Variants in FSIP1 observed in about 807,000 individuals in gnomAD.
FSIP1 encodes the protein fibrous sheath-interacting protein 1.
FSIP1 carries 65 observed loss-of-function variants against 60.9 expected under a neutral mutation model. The ratio of observed to expected loss-of-function variants is 1.07; its 90% CI spans 0.87 to 1.31. FSIP1 has a LOEUF of 1.31. Among genes scored for constraint, FSIP1 ranks in the 40% most tolerant of loss-of-function variants. FSIP1 has a pLI of 0.00. For missense variants in FSIP1, 675 were observed against 665.5 expected (o/e 1.01, Z -0.16); for synonymous variants, 209 against 221.2 (o/e 0.94, Z 0.49).
At chr15:39,634,938 G>C (rs143227227) in intron 10 of FSIP1, among the ~76,000 whole-genome samples, 2 of 147,550 alleles carry the variant, frequency 1.4e-5, no homozygotes, top group African/African-American at 4.8e-5. Context: ...GTAACACAGA[G>C]CCAAAAAGAA....
chr15:39,713,416 A>T, intron 10 of FSIP1, 28 bp downstream of exon 10: 1 of 1,569,374 alleles, frequency 6.4e-7, no homozygotes, highest in Non-Finnish European at 8.6e-7. Context: ...TTTTCTTAAA[A>T]AAAATTAATT....
In FSIP1 at chr15:39,761,686, T is replaced by C. The variant is rs147781199; in HGVS notation, c.559+2135A>G. Reference sequence around the variant, plus strand: ...GGTGAATATCATCAATAAGGATGTATTGTACATTTCAAAATTGCTAAGAGG... The same window carrying C: ...GGTGAATATCATCAATAAGGATGTACTGTACATTTCAAAATTGCTAAGAGG... On this transcript the variant is annotated intron_variant, in intron 5 of 11. Coordinates refer to ENST00000350221, the MANE Select transcript of FSIP1 (RefSeq NM_152597.5). 7.7e-3 allele frequency among the ~76,000 whole-genome samples: 1,172 copies of C among 152,326 alleles called. 8 individuals are homozygous for C. The highest frequency in any genetic ancestry group is 0.023 in the South Asian group (113 of 4,828).
chr15:39,663,417 C>G (rs1165677083), intron 10 of FSIP1, among the ~76,000 whole-genome samples: 3 of 152,096 alleles, frequency 2.0e-5, no homozygotes, highest in Non-Finnish European at 4.4e-5. Context: ...CAAATAACCT[C>G]TATATCTGTC....
intron 5 of FSIP1, among the ~76,000 whole-genome samples, chr15:39,761,940 G>A (rs1216034613): frequency 6.6e-6 from 1 of 152,210 alleles, no homozygotes; most frequent in East Asian, 1.9e-4. Context: ...GAGGGACACA[G>A]CAGGAACAAT....
At chr15:39,719,460 C>T (rs191610341) in intron 9 of FSIP1, among the ~76,000 whole-genome samples, 27 of 152,268 alleles carry the variant, frequency 1.8e-4, no homozygotes, top group African/African-American at 6.5e-4. Flanking sequence ...TGAGTTTATC[C>T]TTAGAAAAAT....
chr15:39,653,165 G>A (rs1249064378), intron 10 of FSIP1, among the ~76,000 whole-genome samples: 1 of 121,210 alleles, frequency 8.3e-6, no homozygotes, highest in Non-Finnish European at 1.7e-5. Context: ...GACGGAGCCA[G>A]ACTTTGTCTC....
intron 1 of FSIP1, among the ~76,000 whole-genome samples, chr15:39,778,144 G>A (rs1756427229): frequency 6.6e-6 from 1 of 152,190 alleles, no homozygotes; most frequent in African/African-American, 2.4e-5. Flanking sequence ...ATTATTGTGG[G>A]ATGATGGATC....
intron 10 of FSIP1, among the ~76,000 whole-genome samples, chr15:39,679,474 C>T (rs370848760): frequency 3.9e-4 from 59 of 152,146 alleles, no homozygotes; most frequent in Middle Eastern, 3.4e-3. Context: ...TGGTGGCTCG[C>T]GCCTGTCATC....
In FSIP1 at chr15:39,738,876, T is replaced by C. The variant is rs557993769; in HGVS notation, c.781-675A>G. Among the ~76,000 whole-genome samples, 46 of 152,356 alleles carry C rather than the reference T, an allele frequency of 3.0e-4. No homozygotes were observed. In the East Asian group the frequency reaches 8.3e-3, roughly 27 times the overall value. ...GGCAGGCTGCCCCACGAATCCAGTT[T>C]GCCTGGAAATGATGTGCCAATTATG... On this transcript the variant is annotated intron_variant, in intron 7 of 11. Coordinates refer to ENST00000350221, the MANE Select transcript of FSIP1 (RefSeq NM_152597.5).
At chr15:39,765,816 A>C in intron 3 of FSIP1, 70 bp from the exon 4 acceptor site, 1 of 848,446 alleles carries the variant, frequency 1.2e-6, no homozygotes, top group Admixed American at 3.0e-5. Context: ...TTGTTCTTAC[A>C]ATTTGTTCTT....
intron 9 of FSIP1, among the ~76,000 whole-genome samples, chr15:39,721,706 G>A (rs527869460): frequency 3.9e-5 from 6 of 152,314 alleles, no homozygotes; most frequent in African/African-American, 1.4e-4. Flanking sequence ...AATATAGAGT[G>A]GTGGATACTG....
chr15:39,779,536 T>C (rs1461603931), intron 1 of FSIP1, among the ~76,000 whole-genome samples: 3 of 152,236 alleles, frequency 2.0e-5, no homozygotes, highest in Non-Finnish European at 1.5e-5. Context: ...CTATACGCTA[T>C]TGGTACATCT....
intron 10 of FSIP1, among the ~76,000 whole-genome samples, chr15:39,657,868 G>A (rs1338915022): frequency 6.6e-6 from 1 of 152,124 alleles, no homozygotes; most frequent in African/African-American, 2.4e-5. Flanking sequence ...TAAAGACTGG[G>A]ATGACTGTAC....
intron 9 of FSIP1, among the ~76,000 whole-genome samples, chr15:39,715,469 G>A (rs1895703670): frequency 6.6e-6 from 1 of 152,134 alleles, no homozygotes; most frequent in South Asian, 2.1e-4. Context: ...GTAAGCACTG[G>A]CCAATAGACT....
intron 11 of FSIP1, among the ~76,000 whole-genome samples, chr15:39,603,229 G>A: frequency 6.6e-6 from 1 of 152,230 alleles, no homozygotes. Context: ...ATGGATGGCA[G>A]ATGGATGATG....
intron 8 of FSIP1, among the ~76,000 whole-genome samples, chr15:39,728,380 T>C (rs544169129): frequency 4.6e-5 from 7 of 152,282 alleles, no homozygotes; most frequent in African/African-American, 1.7e-4. Flanking sequence ...TTACCTGACT[T>C]CAAACTATAT....
intron 1 of FSIP1, among the ~76,000 whole-genome samples, chr15:39,777,625 G>C (rs1222650024): frequency 6.6e-6 from 1 of 152,192 alleles, no homozygotes; most frequent in Non-Finnish European, 1.5e-5. Context: ...AAACTGTGTG[G>C]CTGACTAAGA....
chr15:39,639,038 T>C (rs1009039343), intron 10 of FSIP1, among the ~76,000 whole-genome samples: 1 of 152,206 alleles, frequency 6.6e-6, no homozygotes, highest in African/African-American at 2.4e-5. Flanking sequence ...ATCGGAGATA[T>C]ATCATGAAAT....
intron 10 of FSIP1, among the ~76,000 whole-genome samples, chr15:39,643,273 A>T (rs571466991): frequency 2.0e-5 from 3 of 152,380 alleles, no homozygotes; most frequent in African/African-American, 7.2e-5. Flanking sequence ...AGATGAGTAG[A>T]CAAGAATGAA....
Sources: gnomAD v4.1 joint callset for allele counts (sites outside exome capture counted in the v4.1 genomes callset) on GRCh38, gnomAD v4.1.1 for gene constraint, MANE v1.5 for transcripts, NCBI Gene and HGNC (gene_info 2026-07-23, HGNC 2026-07-21) for gene names.